The following TRAK1 variants were observed in gnomAD, a reference collection of about 807,000 sequenced individuals.
TRAK1 encodes the protein trafficking kinesin protein 1.
TRAK1 carries 33 observed loss-of-function variants against 92.1 expected under a neutral mutation model. The observed-to-expected ratio is 0.36, with a 90% CI of 0.27 to 0.48. The LOEUF (loss-of-function observed/expected upper bound fraction) is 0.48. Among genes scored for constraint, TRAK1 ranks in the 20% least tolerant of loss-of-function variants. The pLI, the probability that TRAK1 is intolerant of heterozygous loss-of-function variation, is 0.99. For synonymous variants in TRAK1, 521 were observed against 517.3 expected (o/e 1.01, Z -0.10); for missense variants, 1,123 against 1,257.9 (o/e 0.89, Z 1.62).
chr3:42,072,422 C>A (rs1440092546), intron 1 of TRAK1, among the ~76,000 whole-genome samples: 1 of 151,810 alleles, frequency 6.6e-6, no homozygotes, highest in Non-Finnish European at 1.5e-5. Flanking sequence ...CAGCTGTACG[C>A]AGGCTCTGCA....
chr3:42,221,356 C>T (rs879576288), intron 15 of TRAK1, among the ~76,000 whole-genome samples: 3 of 152,090 alleles, frequency 2.0e-5, no homozygotes, highest in Admixed American at 1.3e-4. Flanking sequence ...CATCCCCACC[C>T]CTGAGCTTGT....
At chr3:42,210,057 G>A in intron 14 of TRAK1, 72 bp downstream of exon 14, 1 of 1,613,066 alleles carries the variant, frequency 6.2e-7, no homozygotes, top group African/African-American at 1.3e-5. Flanking sequence ...GGCTTCCCCA[G>A]AGGAGATGCA....
intron 1 of TRAK1, among the ~76,000 whole-genome samples, chr3:42,076,372 C>T (rs760146938): frequency 4.6e-5 from 7 of 151,452 alleles, no homozygotes; most frequent in Non-Finnish European, 1.0e-4. Context: ...TTTACAGGTG[C>T]TCGCCACCAC....
intron 2 of TRAK1, chr3:42,160,327 T>C: frequency 6.2e-7 from 1 of 1,612,782 alleles, no homozygotes; most frequent in Non-Finnish European, 8.5e-7. Flanking sequence ...GATGGTCCCT[T>C]AGGGTGATGT....
chr3:42,149,562 T>G, intron 2 of TRAK1: 1 of 1,536,144 alleles, frequency 6.5e-7, no homozygotes, highest in Non-Finnish European at 8.7e-7. Flanking sequence ...AAGCGGATTA[T>G]TATGAACTAG....
At chr3:42,215,183 T>G (rs1464114151) in intron 14 of TRAK1, among the ~76,000 whole-genome samples, 1 of 152,212 alleles carries the variant, frequency 6.6e-6, no homozygotes, top group African/African-American at 2.4e-5. Context: ...AGGAAAGTCT[T>G]TAGAGCATCT....
chr3:42,016,148 C>T (rs751682591), intron 1 of TRAK1, among the ~76,000 whole-genome samples: 19 of 152,214 alleles, frequency 1.2e-4, no homozygotes, highest in Middle Eastern at 6.8e-3. Context: ...ACTAACAACA[C>T]CTTAAGGTTT....
At chr3:42,070,498 G>C (rs962861898) in intron 1 of TRAK1, among the ~76,000 whole-genome samples, 1 of 152,126 alleles carries the variant, frequency 6.6e-6, no homozygotes. Context: ...CGCCATCATG[G>C]CTCACGGCAG....
At chr3:42,038,401 T>C (rs1275448941) in intron 1 of TRAK1, among the ~76,000 whole-genome samples, 1 of 152,194 alleles carries the variant, frequency 6.6e-6, no homozygotes. Context: ...CACAGCTTAC[T>C]GTAACCTCAA....
chr3:42,080,376 T>C (rs1254687571), intron 1 of TRAK1, among the ~76,000 whole-genome samples: 1 of 152,180 alleles, frequency 6.6e-6, no homozygotes, highest in Non-Finnish European at 1.5e-5. Context: ...CTACTATTCC[T>C]GGCACCTCTT....
intron 1 of TRAK1, among the ~76,000 whole-genome samples, chr3:42,105,106 C>T (rs1385571931): frequency 6.6e-6 from 1 of 152,114 alleles, no homozygotes; most frequent in African/African-American, 2.4e-5. Flanking sequence ...CATGTGCCAC[C>T]ACACCCAGCT....
chr3:42,217,229 T>G (rs1405203250), intron 14 of TRAK1: 27 of 985,230 alleles, frequency 2.7e-5, no homozygotes, highest in Non-Finnish European at 3.3e-5. Flanking sequence ...ACTGTCTCTC[T>G]GTTGTGTCTC....
chr3:42,153,106 G>C (rs940717902), intron 2 of TRAK1, among the ~76,000 whole-genome samples: 1 of 152,088 alleles, frequency 6.6e-6, no homozygotes, highest in African/African-American at 2.4e-5. Flanking sequence ...AAAAATCTTT[G>C]AAAAGGCTAA....
At chr3:42,077,696 T>C (rs1203061280) in intron 1 of TRAK1, among the ~76,000 whole-genome samples, 2 of 152,218 alleles carry the variant, frequency 1.3e-5, no homozygotes, top group East Asian at 1.9e-4. Flanking sequence ...AGGTATTTTG[T>C]TCTTTTTGTG....
chr3:42,013,575 T>G (rs1372839063), upstream of TRAK1, among the ~76,000 whole-genome samples: 562 of 109,290 alleles, frequency 5.1e-3, no homozygotes, highest in East Asian at 0.029. This position sits in a 1 kb window ranked among gnomAD's most constrained non-coding sequence, Gnocchi z 5.1. Context: ...CGGGCGGGGC[T>G]GGGAAGGGGG....
chr3:42,173,044 G>T (rs1702763605), intron 2 of TRAK1, among the ~76,000 whole-genome samples: 1 of 152,128 alleles, frequency 6.6e-6, no homozygotes, highest in Non-Finnish European at 1.5e-5. Flanking sequence ...TACTTGGGAG[G>T]CTGAGGTGGG....
At chr3:42,077,948 G>C (rs1020736266) in intron 1 of TRAK1, among the ~76,000 whole-genome samples, 2 of 152,214 alleles carry the variant, frequency 1.3e-5, no homozygotes, top group African/African-American at 4.8e-5. Flanking sequence ...TCCCAGGCCT[G>C]GCAGCCACCC....
At chr3:42,138,876 G>GTGTGTGT (rs1553730371) in intron 2 of TRAK1, among the ~76,000 whole-genome samples, 6,722 of 118,768 alleles carry the variant, frequency 0.057, 439 homozygotes, top group South Asian at 0.1. Context: ...AAGCATAGGG[G>GTGTGTGT]GTGTGTGTGT....
chr3:42,134,174 TTCCTCTTCCCCTTCCCCC>T (rs1224813390), intron 2 of TRAK1, among the ~76,000 whole-genome samples: 19 of 101,496 alleles, frequency 1.9e-4, no homozygotes, highest in Non-Finnish European at 1.4e-4. Context: ...CCCCTTCCCC[TTCCTCTTCCCCTTCCCCC>T]TCCCCTTCCC....
Sources: gnomAD v4.1 joint callset for allele counts (sites outside exome capture counted in the v4.1 genomes callset) on GRCh38, gnomAD v4.1.1 for gene constraint, Gnocchi (gnomAD v3.1) non-coding constraint, MANE v1.5 for transcripts, NCBI Gene and HGNC (gene_info 2026-07-23, HGNC 2026-07-21) for gene names.